The following SEZ6 variants were observed in gnomAD, a reference collection of about 807,000 sequenced individuals.
SEZ6 encodes the protein seizure related 6 homolog, also known as seizure protein 6 homolog.
Under a neutral mutation model 101.0 loss-of-function variants are expected in SEZ6, and 53 were observed. The observed-to-expected ratio is 0.52, with a 90% CI of 0.42 to 0.66. The LOEUF (loss-of-function observed/expected upper bound fraction) is 0.66, where lower values mean the gene tolerates loss of function less well. Among genes scored for constraint, SEZ6 ranks in the 30% least tolerant of loss-of-function variants. SEZ6 has a pLI of 0.00. For synonymous variants in SEZ6, 488 were observed against 512.2 expected (o/e 0.95, Z 0.64); for missense variants, 1,102 against 1,289.4 (o/e 0.85, Z 2.23).
At chr17:28,972,854 C>T (rs918809420) in intron 3 of SEZ6, among the ~76,000 whole-genome samples, 1 of 152,188 alleles carries the variant, frequency 6.6e-6, no homozygotes, top group African/African-American at 2.4e-5. Context: ...GGGAAAGTGC[C>T]TGAAGCAGGT....
At chr17:29,001,625 G>A (rs969077405) in intron 1 of SEZ6, among the ~76,000 whole-genome samples, 7 of 152,226 alleles carry the variant, frequency 4.6e-5, no homozygotes, top group African/African-American at 1.7e-4. Flanking sequence ...GAGCCCAAAA[G>A]CTGTTGAGAA....
rs2040936844 is a variant in SEZ6, at chr17:28,959,356, G to A, written c.1888C>T (p.Arg630Cys). Residue 630 changes from arginine to cysteine, a missense_variant, in exon 9 of 17, where the codon CGC (arginine) becomes TGC (cysteine). Physicochemically the swap from Arg to Cys is radical, Grantham distance 180. Coordinates refer to ENST00000317338, the MANE Select transcript of SEZ6 (RefSeq NM_178860.5). This position sits in a 1 kb window ranked among gnomAD's most constrained non-coding sequence, Gnocchi z 4.4. ...IWGVHVEEDK[R>C]IMLDIRVLRI... ...CACACTCGGATGTCCAGCATGATGC[G>A]CTTGTCCTCTTCCACATGCACACCC... The A allele has an allele frequency of 1.2e-6, 2 of 1,613,854 alleles. No homozygotes were observed. Among genetic ancestry groups the A allele is most frequent in the Non-Finnish European group, 8.5e-7 (1 of 1,179,856 alleles).
At position 28,969,791 on chromosome 17, in the gene SEZ6, C is replaced by A. The variant is rs201361164; in HGVS notation, c.1020G>T (p.Pro340=). 1 of 1,508,532 alleles carries A rather than the reference C, an allele frequency of 6.6e-7. No homozygotes were observed. Among genetic ancestry groups the A allele is most frequent in the Admixed American group, 2.7e-5 (1 of 36,470 alleles). 93.4% of individuals were successfully genotyped at this position (1,508,532 alleles called of 1,614,324 possible). A position where few individuals can be genotyped will look rare whatever the true frequency, so the allele number is the denominator to read the frequency against. ...GGAAATGGAAGGTGCCAGGGCCAGCCGGTGGCGGGAGGCTCTGGAACCTCA... is the reference window on the plus strand; with the variant it reads ...GGAAATGGAAGGTGCCAGGGCCAGCAGGTGGCGGGAGGCTCTGGAACCTCA... The part of the protein sequence containing the change: ...AALRFQSLPP[P]AGPGTFHFHY... Residue 340 remains proline, a synonymous_variant, in exon 4 of 17, where the codon CCG becomes CCT. Coordinates refer to ENST00000317338, the MANE Select transcript of SEZ6 (RefSeq NM_178860.5).
upstream of SEZ6, chr17:29,006,184 T>A (rs2041689339): frequency 4.4e-6 from 1 of 227,478 alleles, no homozygotes; most frequent in African/African-American, 2.3e-5. Context: ...GCCCTACTCA[T>A]GTGGGCACAC....
At chr17:28,969,682 G>T in intron 4 of SEZ6, 75 bp downstream of exon 4, 1 of 1,317,162 alleles carries the variant, frequency 7.6e-7, no homozygotes. Flanking sequence ...GGATGTAATT[G>T]CACAGAGACC....
At chr17:28,983,211 G>A (rs143155125) in intron 1 of SEZ6, among the ~76,000 whole-genome samples, 39 of 152,276 alleles carry the variant, frequency 2.6e-4, no homozygotes, top group African/African-American at 9.4e-4. Context: ...TGTAAAATTG[G>A]GTTTCCTTTT....
Position 28,960,677 on chromosome 17 carries a change from C to T in SEZ6, c.1410-6G>A. On this transcript the variant is annotated splice_polypyrimidine_tract_variant and splice_region_variant and intron_variant, in intron 6 of 16. Transcript: ENST00000317338. ...CCCCATTGCGAATGATGAGCCTGAA[C>T]CAGGAGAGTGGCAGCTATGTAGGCT... 1 of 1,610,140 alleles carries T rather than the reference C, an allele frequency of 6.2e-7. No homozygotes were observed. Among genetic ancestry groups the T allele is most frequent in the Non-Finnish European group, 8.5e-7 (1 of 1,178,112 alleles).
At position 28,956,544 on chromosome 17, in the gene SEZ6, G is replaced by A. The variant is rs554951260; in HGVS notation, c.2732-77C>T. ...CATATTCTCTCACCTCTGCCCAAGGGCATCTGACTACCAGCTCCCTCTAGC... is the reference window on the plus strand; with the variant it reads ...CATATTCTCTCACCTCTGCCCAAGGACATCTGACTACCAGCTCCCTCTAGC... On this transcript the variant is annotated intron_variant, in intron 14 of 16. Transcript: ENST00000317338. 8.7e-5 allele frequency: 130 copies of A among 1,491,190 alleles called. No individual in the cohort carries two copies. The African/African-American group carries it at 1.3e-3, about 15-fold the overall frequency. 92.4% of individuals were successfully genotyped at this position (1,491,190 alleles called of 1,614,324 possible). A position where few individuals can be genotyped will look rare whatever the true frequency, so the allele number is the denominator to read the frequency against.
chr17:28,988,298 A>T (rs2041410461), intron 1 of SEZ6, among the ~76,000 whole-genome samples: 1 of 152,122 alleles, frequency 6.6e-6, no homozygotes, highest in African/African-American at 2.4e-5. Flanking sequence ...TGGGCTCCTA[A>T]CACATGAATG....
Position 29,005,019 on chromosome 17 carries a change from G to C in SEZ6, c.55+796C>G, listed in dbSNP as rs1017477657. Among the ~76,000 whole-genome samples the C allele has an allele frequency of 9.9e-5, 15 of 152,122 alleles. No homozygotes were observed. The highest frequency in any genetic ancestry group is 3.4e-4 in the African/African-American group (14 of 41,416). ...AGAGACAAATCTGCCTTGCAGGTGG[G>C]GAGTGGACCAGGGCCGGGCAGGAAG... is the stretch of plus-strand genomic sequence containing the variant. On this transcript the variant is annotated intron_variant, in intron 1 of 16. Coordinates refer to ENST00000317338, the MANE Select transcript of SEZ6 (RefSeq NM_178860.5). The surrounding 1 kb of genome is among the most constrained non-coding windows in gnomAD (Gnocchi z 4.8).
intron 3 of SEZ6, among the ~76,000 whole-genome samples, chr17:28,978,331 G>A (rs528155414): frequency 2.6e-5 from 4 of 152,200 alleles, no homozygotes; most frequent in Admixed American, 6.5e-5. Flanking sequence ...TTCAGTCAGC[G>A]CATGGAGTAC....
chr17:28,963,911 C>T, intron 5 of SEZ6, 51 bp downstream of exon 5: 1 of 1,558,872 alleles, frequency 6.4e-7, no homozygotes, highest in Non-Finnish European at 8.7e-7. Context: ...AGGGATGAGC[C>T]CCCACCTCAC....
chr17:28,955,846 T>C lies in SEZ6; in HGVS notation c.*116A>G. On this transcript the variant is annotated 3_prime_UTR_variant, in exon 17 of 17. Coordinates refer to ENST00000317338, the MANE Select transcript of SEZ6 (RefSeq NM_178860.5). ...TTCTTGAGGGCTTGGTGGCATCTCC[T>C]CCTAGGTGGTATATACAGGAGGTGG... The C allele has an allele frequency of 8.4e-7, 1 of 1,194,518 alleles. No individual in the cohort carries two copies. The highest frequency in any genetic ancestry group is 1.3e-5 in the South Asian group (1 of 76,748). 74.0% of individuals were successfully genotyped at this position (1,194,518 alleles called of 1,614,324 possible).
chr17:28,963,390 C>T lies in SEZ6; in HGVS notation c.1240+572G>A, dbSNP rs1257837142. 4.6e-5 allele frequency among the ~76,000 whole-genome samples: 7 copies of T among 152,156 alleles called. No individual in the cohort carries two copies. In the East Asian group the frequency reaches 1.2e-3, roughly 25 times the overall value. On this transcript the variant is annotated intron_variant, in intron 5 of 16. Coordinates refer to ENST00000317338, the MANE Select transcript of SEZ6 (RefSeq NM_178860.5). ...ATCTCCTGAGGAATTCTAAGGCCCT[C>T]CCTTCTCATAAGCTTCAACAGCTCC...
chr17:28,994,920 C>T (rs1422846438), intron 1 of SEZ6, among the ~76,000 whole-genome samples: 1 of 151,860 alleles, frequency 6.6e-6, no homozygotes, highest in Non-Finnish European at 1.5e-5. Flanking sequence ...GTCGCCTAGG[C>T]TGGAGTGCAG....
At chr17:29,001,911 C>T (rs1598217495) in intron 1 of SEZ6, among the ~76,000 whole-genome samples, 1 of 152,244 alleles carries the variant, frequency 6.6e-6, no homozygotes, top group Non-Finnish European at 1.5e-5. Context: ...CTTTGAGGCT[C>T]TCCTGTGCTA....
intron 3 of SEZ6, among the ~76,000 whole-genome samples, chr17:28,975,906 G>A (rs968158237): frequency 6.6e-6 from 1 of 152,250 alleles, no homozygotes; most frequent in Non-Finnish European, 1.5e-5. Context: ...CTCTTGGAAT[G>A]CCAAGTGCAG....
In SEZ6 at chr17:28,959,012, G is replaced by A; in HGVS notation, c.2107+13C>T. On this transcript the variant is annotated intron_variant, in intron 10 of 16. Transcript: ENST00000317338. This position sits in a 1 kb window ranked among gnomAD's most constrained non-coding sequence, Gnocchi z 4.4. Reference sequence around the variant, plus strand: ...TGCTGTCTGCACTCTGAGTGGGGTAGGGACAAGCTCACCAAAGAAGTGGAT... The same window carrying A: ...TGCTGTCTGCACTCTGAGTGGGGTAAGGACAAGCTCACCAAAGAAGTGGAT... 1 of 1,604,502 alleles carries A rather than the reference G, an allele frequency of 6.2e-7. No individual in the cohort carries two copies. The highest frequency in any genetic ancestry group is 8.5e-7 in the Non-Finnish European group (1 of 1,174,354).
chr17:28,964,617 C>T (rs2041034579), intron 4 of SEZ6, among the ~76,000 whole-genome samples: 1 of 152,148 alleles, frequency 6.6e-6, no homozygotes. Context: ...AAAACCTATA[C>T]AGATGTAAAG....
Sources: allele counts gnomAD v4.1 joint callset (sites outside exome capture counted in the v4.1 genomes callset), GRCh38; gene constraint gnomAD v4.1.1; non-coding constraint Gnocchi (gnomAD v3.1); transcripts MANE v1.5; gene names NCBI Gene and HGNC (gene_info 2026-07-23, HGNC 2026-07-21).